The following GUF1 variants were observed in gnomAD, a reference collection of about 807,000 sequenced individuals.
The protein encoded by GUF1 is GTP binding elongation factor GUF1, also known as translation factor GUF1, mitochondrial.
GUF1 carries 78 observed loss-of-function variants against 82.4 expected under a neutral mutation model. That is an observed-to-expected ratio of 0.95 (90% CI 0.79 to 1.14). The LOEUF is 1.14. Ranked by LOEUF, GUF1 falls within the 50% of genes most tolerant of loss-of-function variation. GUF1 has a pLI of 0.00. For missense variants in GUF1, 814 were observed against 798.2 expected (o/e 1.02, Z -0.24); for synonymous variants, 279 against 282.3 (o/e 0.99, Z 0.12).
intron 7 of GUF1, 115 bp downstream of exon 7, chr4:44,686,138 G>T: frequency 1.4e-6 from 1 of 733,890 alleles, no homozygotes; most frequent in Non-Finnish European, 2.3e-6. Context: ...TAATGGATGT[G>T]GCAAATATTC....
intron 13 of GUF1, among the ~76,000 whole-genome samples, chr4:44,693,701 T>C (rs764103478): frequency 1.3e-5 from 2 of 152,150 alleles, no homozygotes; most frequent in Non-Finnish European, 2.9e-5. Context: ...GTAAGCCTAA[T>C]TGAAATTTTC....
At chr4:44,689,259 GATAAT>G (rs775707615) in intron 9 of GUF1, 22 bp from the exon 10 acceptor site, 2 of 1,541,734 alleles carry the variant, frequency 1.3e-6, no homozygotes, top group Non-Finnish European at 1.8e-6. Context: ...CTTATCACGT[GATAAT>G]TAGAAATCAT....
At chr4:44,682,977 C>A (rs1739355458) in intron 5 of GUF1, among the ~76,000 whole-genome samples, 1 of 151,988 alleles carries the variant, frequency 6.6e-6, no homozygotes, top group African/African-American at 2.4e-5. Flanking sequence ...TGATAAATTA[C>A]TACTGATCTC....
chr4:44,698,694 C>CA lies in GUF1; in HGVS notation c.*16dup, dbSNP rs762919323. 6.3e-7 allele frequency: 1 copy of CA among 1,575,336 alleles called. No homozygotes were observed. The highest frequency in any genetic ancestry group is 1.2e-5 in the South Asian group (1 of 84,246). On this transcript the variant is annotated 3_prime_UTR_variant, in exon 17 of 17. Transcript: ENST00000281543. ...ATCTTCTAAATAATTGGTGGGAAAA[C>CA]AAAGAATTTTCATTGCAATTTGTAA...
At chr4:44,697,496 T>C (rs755533838) in intron 16 of GUF1, 52 bp downstream of exon 16, 1 of 933,508 alleles carries the variant, frequency 1.1e-6, no homozygotes, top group Non-Finnish European at 1.7e-6. Context: ...GGGCTTTAAA[T>C]CAAAGGGGGC....
chr4:44,694,958 T>C (rs766340464), intron 14 of GUF1, among the ~76,000 whole-genome samples: 16 of 151,980 alleles, frequency 1.1e-4, no homozygotes, highest in South Asian at 2.1e-4. Context: ...AAGCGCATGC[T>C]ACCATGCCCG....
chr4:44,696,437 A>G (rs955289097), intron 15 of GUF1, among the ~76,000 whole-genome samples: 1 of 152,166 alleles, frequency 6.6e-6, no homozygotes, highest in Non-Finnish European at 1.5e-5. Flanking sequence ...AAACCCAAAA[A>G]TAACAATGAA....
chr4:44,682,293 T>C (rs970924343), intron 4 of GUF1, 41 bp from the exon 5 acceptor site: 1 of 1,112,944 alleles, frequency 9.0e-7, no homozygotes, highest in Admixed American at 2.8e-5. Context: ...TGATATATAA[T>C]AGAATGGTCA....
Position 44,686,638 on chromosome 4 carries a change from C to T in GUF1, c.863C>T (p.Ser288Phe). 3 of 1,611,690 alleles carry T rather than the reference C, an allele frequency of 1.9e-6. No homozygotes were observed. The highest frequency in any genetic ancestry group is 2.5e-6 in the Non-Finnish European group (3 of 1,178,212). The change falls in exon 8 of 17, where the codon TCT (serine) becomes TTT (phenylalanine). Residue 288 changes from serine (S) to phenylalanine (F), a missense_variant. Coordinates refer to ENST00000281543, the MANE Select transcript of GUF1 (RefSeq NM_021927.3). ...GVVSKGDKIV[S>F]AHTQKTYEVN... ...GTTTCCAAAGGAGATAAAATTGTAT[C>T]TGCACATACTCAAAAGACATACGAA... is the stretch of plus-strand genomic sequence containing the variant.
In GUF1 at chr4:44,694,421, C is replaced by T. The variant is rs779767276; in HGVS notation, c.1623C>T (p.Tyr541=). ...ACTTTTTTCCTTTTAGTTTTGATTA[C>T]GAAGATGCAGGCTACCAGACTGCAG... ...SLSSGYASFD[Y]EDAGYQTAEL... Residue 541 remains tyrosine, a synonymous_variant, in exon 14 of 17, where the codon TAC becomes TAT. Coordinates refer to ENST00000281543, the MANE Select transcript of GUF1 (RefSeq NM_021927.3). 28 of 1,607,102 alleles carry T rather than the reference C, an allele frequency of 1.7e-5. No individual in the cohort carries two copies. The highest frequency in any genetic ancestry group is 9.0e-5 in the East Asian group (4 of 44,682).
intron 1 of GUF1, among the ~76,000 whole-genome samples, chr4:44,679,890 TTTTTAAG>T (rs1162678429): frequency 9.8e-5 from 15 of 152,298 alleles, no homozygotes; most frequent in African/African-American, 3.4e-4. Context: ...TTTTAAAATA[TTTTTAAG>T]TTTTAAGTGA....
At chr4:44,689,449 G>A (rs375847458) in intron 10 of GUF1, 40 bp downstream of exon 10, 8 of 1,519,110 alleles carry the variant, frequency 5.3e-6, no homozygotes, top group East Asian at 4.7e-5. Flanking sequence ...AAAGGGAGGT[G>A]TAAATGGTGT....
intron 12 of GUF1, among the ~76,000 whole-genome samples, 184 bp from the exon 13 acceptor site, chr4:44,691,482 G>T (rs71611910): frequency 0.22 from 33,308 of 151,550 alleles, 3,836 homozygotes; most frequent in Middle Eastern, 0.36. Flanking sequence ...CATTTTAAAA[G>T]ATAAAATTGT....
At position 44,698,573 on chromosome 4, in the gene GUF1, G is replaced by C. The variant is rs199881930; in HGVS notation, c.1902G>C (p.Lys634Asn). ...GTGGTGATATTACCCGAAAAATGAA[G>C]CTTTTGAAGAGACAAGCAGAAGGGA... is the stretch of plus-strand genomic sequence containing the variant. ...CYGGDITRKM[K>N]LLKRQAEGKK... The change falls in exon 17 of 17, where the codon AAG (lysine) becomes AAC (asparagine). Residue 634 changes from lysine (K) to asparagine (N), a missense_variant. Transcript: ENST00000281543. The C allele has an allele frequency of 2.6e-5, 42 of 1,602,406 alleles. No homozygotes were observed. Among genetic ancestry groups the C allele is most frequent in the African/African-American group, 2.3e-4 (17 of 73,770 alleles).
rs369388852 is a variant in GUF1 at position 44,684,687 on chromosome 4, A to C, written c.670-1272A>C. ...GGAGATTATGATCCAGGAGGAAACA[A>C]TATACATAAAACATAACAGTTCATT... is the stretch of plus-strand genomic sequence containing the variant. On this transcript the variant is annotated intron_variant, in intron 6 of 16. Coordinates refer to ENST00000281543, the MANE Select transcript of GUF1 (RefSeq NM_021927.3). 2.0e-5 allele frequency among the ~76,000 whole-genome samples: 3 copies of C among 152,124 alleles called. No individual in the cohort carries two copies. In the East Asian group the frequency reaches 5.8e-4, roughly 29 times the overall value.
intron 15 of GUF1, 52 bp from the exon 16 acceptor site, chr4:44,697,356 T>C: frequency 8.8e-7 from 1 of 1,138,116 alleles, no homozygotes; most frequent in South Asian, 1.5e-5. Context: ...AGGAAGTGCT[T>C]TTAAACAGTA....
At chr4:44,692,407 TTTGTTG>T (rs375180952) in intron 13 of GUF1, among the ~76,000 whole-genome samples, 4 of 151,492 alleles carry the variant, frequency 2.6e-5, no homozygotes, top group East Asian at 1.9e-4. Flanking sequence ...GAGGCTGTTT[TTTGTTG>T]TTGTTGTTGT....
intron 14 of GUF1, 60 bp downstream of exon 14, chr4:44,694,573 A>AAAT (rs1715667831): frequency 2.6e-5 from 28 of 1,090,396 alleles, no homozygotes; most frequent in African/African-American, 7.9e-5. Flanking sequence ...TTTTTCATTT[A>AAAT]TTTTTGTTTG....
In GUF1 at chr4:44,698,694, CA is replaced by C. The variant is rs762919323; in HGVS notation, c.*16del. 1 of 1,575,336 alleles carries C rather than the reference CA, an allele frequency of 6.3e-7. No individual in the cohort carries two copies. The highest frequency in any genetic ancestry group is 1.4e-5 in the African/African-American group (1 of 72,286). On this transcript the variant is annotated 3_prime_UTR_variant, in exon 17 of 17. Coordinates refer to ENST00000281543, the MANE Select transcript of GUF1 (RefSeq NM_021927.3). Reference sequence around the variant, plus strand: ...ATCTTCTAAATAATTGGTGGGAAAACAAAGAATTTTCATTGCAATTTGTAAT... The same window carrying C: ...ATCTTCTAAATAATTGGTGGGAAAACAAGAATTTTCATTGCAATTTGTAAT...
Sources: allele counts gnomAD v4.1 joint callset (sites outside exome capture counted in the v4.1 genomes callset), GRCh38; gene constraint gnomAD v4.1.1; transcripts MANE v1.5; gene names NCBI Gene and HGNC (gene_info 2026-07-23, HGNC 2026-07-21).